The following GLG1 variants were observed in gnomAD, a reference collection of about 807,000 sequenced individuals.
GLG1 encodes the protein Golgi apparatus protein 1.
A neutral mutation model predicts 160.5 loss-of-function variants in GLG1; 38 were observed. The ratio of observed to expected loss-of-function variants is 0.24; its 90% CI spans 0.18 to 0.31. GLG1 has a LOEUF of 0.31. GLG1 is among the 10% of genes least tolerant of loss of function. The pLI, the probability that GLG1 is intolerant of heterozygous loss-of-function variation, is 1.00. For synonymous variants in GLG1, 644 were observed against 543.4 expected (o/e 1.19, Z -2.57); for missense variants, 1,373 against 1,505.2 (o/e 0.91, Z 1.45).
chr16:74,508,726 A>G, intron 3 of GLG1, 113 bp downstream of exon 3: 1 of 609,176 alleles, frequency 1.6e-6, no homozygotes, highest in Non-Finnish European at 3.0e-6. Flanking sequence ...CAACCAAGAC[A>G]GATGTGAATT....
At chr16:74,546,193 C>T (rs1269266727) in intron 1 of GLG1, among the ~76,000 whole-genome samples, 1 of 152,162 alleles carries the variant, frequency 6.6e-6, no homozygotes, top group African/African-American at 2.4e-5. Context: ...AATCTCAGCA[C>T]TCTGGGAAGC....
intron 1 of GLG1, among the ~76,000 whole-genome samples, chr16:74,581,481 A>G (rs182628730): frequency 2.7e-5 from 4 of 149,184 alleles, no homozygotes; most frequent in African/African-American, 9.9e-5. Flanking sequence ...GTTGCCAGGG[A>G]CTCTGGAATG....
chr16:74,470,541 C>T (rs1244863922), intron 15 of GLG1, among the ~76,000 whole-genome samples: 2 of 150,648 alleles, frequency 1.3e-5, no homozygotes, highest in African/African-American at 2.4e-5. Flanking sequence ...CTCTGCCTCC[C>T]GGGTTCAAGT....
rs921752111 is a variant in GLG1 at position 74,465,883 on chromosome 16, C to T, written c.2530-70G>A. The stretch of plus-strand genomic sequence containing the variant: ...GCTCATCCATGTGTTCTGATTGAAA[C>T]ATTCAGCTCCACTGTGCCTCCCATT... On this transcript the variant is annotated intron_variant, in intron 18 of 25. Coordinates refer to ENST00000422840, the MANE Select transcript of GLG1 (RefSeq NM_001145667.2). 15 of 1,307,218 alleles carry T rather than the reference C, an allele frequency of 1.1e-5. No individual in the cohort carries two copies. In the African/African-American group the frequency reaches 1.6e-4, roughly 14 times the overall value. The allele number at this position is 1,307,218 out of a possible 1,614,324, so 81.0% of individuals were successfully genotyped here. A position where few individuals can be genotyped will look rare whatever the true frequency, so the allele number is the denominator to read the frequency against.
intron 2 of GLG1, among the ~76,000 whole-genome samples, chr16:74,510,406 T>A (rs1397471324): frequency 6.6e-6 from 1 of 152,220 alleles, no homozygotes; most frequent in Admixed American, 6.5e-5. Context: ...TTGCAGATAA[T>A]GACTAAATAT....
At chr16:74,488,722 C>T (rs1248854342) in intron 8 of GLG1, among the ~76,000 whole-genome samples, 8 of 152,034 alleles carry the variant, frequency 5.3e-5, no homozygotes, top group African/African-American at 1.7e-4. Context: ...CAGGTTCAAG[C>T]GATTCTCCTA....
At chr16:74,476,716 CAG>C (rs2015400132) in intron 12 of GLG1, among the ~76,000 whole-genome samples, 1 of 152,180 alleles carries the variant, frequency 6.6e-6, no homozygotes, top group Non-Finnish European at 1.5e-5. Context: ...TCACAGCACT[CAG>C]GGAATTTTTG....
At chr16:74,510,800 A>G (rs2016779906) in intron 2 of GLG1, among the ~76,000 whole-genome samples, 1 of 152,220 alleles carries the variant, frequency 6.6e-6, no homozygotes, top group Non-Finnish European at 1.5e-5. Flanking sequence ...GCTACAGTCA[A>G]TGGCAGGGAG....
chr16:74,466,537 G>C (rs780624296), intron 18 of GLG1, among the ~76,000 whole-genome samples: 2 of 152,160 alleles, frequency 1.3e-5, no homozygotes, highest in Non-Finnish European at 2.9e-5. Context: ...TCACTAACTA[G>C]TTGAGGAACA....
chr16:74,538,903 T>C (rs1287677142), intron 1 of GLG1, among the ~76,000 whole-genome samples: 1 of 151,126 alleles, frequency 6.6e-6, no homozygotes. Flanking sequence ...GGCAATAAAG[T>C]CAGTCAGAGA....
At chr16:74,592,863 G>A (rs1188613648) in intron 1 of GLG1, among the ~76,000 whole-genome samples, 1 of 152,108 alleles carries the variant, frequency 6.6e-6, no homozygotes, top group East Asian at 1.9e-4. Context: ...AAGTTCATGT[G>A]TTGGAAACTT....
intron 1 of GLG1, among the ~76,000 whole-genome samples, chr16:74,568,238 C>G (rs1335722657): frequency 6.6e-6 from 1 of 152,136 alleles, no homozygotes; most frequent in African/African-American, 2.4e-5. Context: ...GAAGCCTGTG[C>G]TAAACCTTGT....
At chr16:74,556,303 G>C (rs1025553085) in intron 1 of GLG1, among the ~76,000 whole-genome samples, 9 of 152,042 alleles carry the variant, frequency 5.9e-5, no homozygotes, top group South Asian at 4.2e-4. Flanking sequence ...AGTAGCTATT[G>C]ATTATCTTAC....
intron 12 of GLG1, among the ~76,000 whole-genome samples, chr16:74,475,270 G>C: frequency 6.6e-6 from 1 of 151,806 alleles, no homozygotes; most frequent in East Asian, 1.9e-4. Flanking sequence ...ACCTTATCAG[G>C]CCTTGATTCT....
At position 74,542,716 on chromosome 16, in the gene GLG1, G is replaced by GGGAAGGAA. The variant is rs1232680624; in HGVS notation, c.439-10571_439-10564dup. Among the ~76,000 whole-genome samples the GGGAAGGAA allele has an allele frequency of 2.7e-4, 8 of 29,784 alleles. 1 individual carries two copies. The highest frequency in any genetic ancestry group is 2.0e-3 in the Admixed American group (4 of 2,034). The allele number at this position is 29,784 out of a possible 152,430, so 19.5% of individuals were successfully genotyped here. A position where few individuals can be genotyped will look rare whatever the true frequency, so the allele number is the denominator to read the frequency against. On this transcript the variant is annotated intron_variant, in intron 1 of 25. Transcript: ENST00000422840. The stretch of plus-strand genomic sequence containing the variant: ...AAGGAGGGAGGGAGGAAGGGAAGAA[G>GGGAAGGAA]GGAAGGAAGGAAGGAAGGGAGGAAG...
chr16:74,550,262 G>A (rs1358987678), intron 1 of GLG1, among the ~76,000 whole-genome samples: 3 of 152,204 alleles, frequency 2.0e-5, no homozygotes, highest in Non-Finnish European at 4.4e-5. Flanking sequence ...AGTCCATGAT[G>A]TTTAGAATAT....
At chr16:74,528,335 A>C (rs1483055468) in intron 2 of GLG1, among the ~76,000 whole-genome samples, 1 of 151,880 alleles carries the variant, frequency 6.6e-6, no homozygotes, top group East Asian at 1.9e-4. Flanking sequence ...TTTTTGCTGG[A>C]TATAGAATTC....
At chr16:74,541,289 A>C (rs138053641) in intron 1 of GLG1, among the ~76,000 whole-genome samples, 4 of 140,502 alleles carry the variant, frequency 2.8e-5, no homozygotes, top group African/African-American at 8.0e-5. Context: ...ACACCACCAC[A>C]CTCCAGCCTA....
chr16:74,562,352 TA>T (rs2018534979), intron 1 of GLG1, among the ~76,000 whole-genome samples: 1 of 152,256 alleles, frequency 6.6e-6, no homozygotes, highest in Admixed American at 6.5e-5. Flanking sequence ...CCTATGCCAC[TA>T]ATAATAGAAC....
Sources: gnomAD v4.1 joint callset for allele counts (sites outside exome capture counted in the v4.1 genomes callset) on GRCh38, gnomAD v4.1.1 for gene constraint, MANE v1.5 for transcripts, NCBI Gene and HGNC (gene_info 2026-07-23, HGNC 2026-07-21) for gene names.